The following SCFD2 variants were observed in gnomAD, a reference collection of about 807,000 sequenced individuals.
SCFD2 encodes sec1 family domain-containing protein 2.
In SCFD2, 54 loss-of-function variants were observed where a neutral mutation model predicts 58.9. The observed-to-expected ratio is 0.92, with a 90% CI of 0.74 to 1.15. The LOEUF (loss-of-function observed/expected upper bound fraction) is 1.15, where lower values mean the gene tolerates loss of function less well. Ranked by LOEUF, SCFD2 falls within the 50% of genes most tolerant of loss-of-function variation. SCFD2 has a pLI of 0.00. For synonymous variants in SCFD2, 321 were observed against 335.9 expected (o/e 0.96, Z 0.49); for missense variants, 805 against 836.6 (o/e 0.96, Z 0.47).
intron 4 of SCFD2, among the ~76,000 whole-genome samples, chr4:53,255,939 C>A (rs1193770909): frequency 6.6e-6 from 1 of 150,424 alleles, no homozygotes; most frequent in Non-Finnish European, 1.5e-5. Flanking sequence ...CCCCTCACCT[C>A]CCGGATGGGG....
At chr4:53,001,441 A>C (rs1395376248) in intron 5 of SCFD2, among the ~76,000 whole-genome samples, 1 of 152,150 alleles carries the variant, frequency 6.6e-6, no homozygotes, top group Non-Finnish European at 1.5e-5. Context: ...TGGCTTGATT[A>C]GGTGGTTTGC....
intron 2 of SCFD2, among the ~76,000 whole-genome samples, chr4:53,332,416 A>G (rs929046442): frequency 1.3e-5 from 2 of 151,782 alleles, no homozygotes; most frequent in African/African-American, 2.4e-5. Context: ...AGTGGGCTTC[A>G]TCCCTGGGAT....
intron 5 of SCFD2, among the ~76,000 whole-genome samples, chr4:52,962,516 C>G (rs1396105399): frequency 6.6e-6 from 1 of 152,202 alleles, no homozygotes; most frequent in Non-Finnish European, 1.5e-5. Context: ...CTGAAGGTAG[C>G]ACATTTAAGA....
chr4:53,323,377 T>C (rs1733081500), intron 2 of SCFD2, among the ~76,000 whole-genome samples: 1 of 152,086 alleles, frequency 6.6e-6, no homozygotes, highest in Non-Finnish European at 1.5e-5. Context: ...AGTTCTTTTT[T>C]GTTGTTGTTT....
intron 5 of SCFD2, among the ~76,000 whole-genome samples, chr4:53,078,318 T>G (rs1724042744): frequency 6.6e-6 from 1 of 152,184 alleles, no homozygotes; most frequent in East Asian, 1.9e-4. Context: ...TCTCTATTTG[T>G]TGTAGCAAAT....
At chr4:53,036,934 C>T (rs1315105691) in intron 5 of SCFD2, among the ~76,000 whole-genome samples, 1 of 151,986 alleles carries the variant, frequency 6.6e-6, no homozygotes, top group Non-Finnish European at 1.5e-5. Flanking sequence ...TCAGTGATTG[C>T]CAAGGGCTGG....
chr4:53,339,890 C>G (rs1014985247), intron 2 of SCFD2, among the ~76,000 whole-genome samples: 3 of 152,040 alleles, frequency 2.0e-5, no homozygotes, highest in African/African-American at 7.3e-5. Flanking sequence ...GCTACAAACA[C>G]AAAACAAAAA....
At chr4:53,131,964 T>C (rs1343087247) in intron 5 of SCFD2, among the ~76,000 whole-genome samples, 5 of 152,218 alleles carry the variant, frequency 3.3e-5, no homozygotes, top group Admixed American at 3.3e-4. Flanking sequence ...GTCATAAAAA[T>C]TGGTGATATG....
intron 4 of SCFD2, among the ~76,000 whole-genome samples, chr4:53,250,161 A>C (rs1730303135): frequency 6.6e-6 from 1 of 152,236 alleles, no homozygotes; most frequent in Admixed American, 6.5e-5. Flanking sequence ...CTAGTCTCGG[A>C]TAAAACAGAC....
At chr4:53,114,739 C>T (rs1225492714) in intron 5 of SCFD2, among the ~76,000 whole-genome samples, 1 of 151,720 alleles carries the variant, frequency 6.6e-6, no homozygotes, top group Non-Finnish European at 1.5e-5. Context: ...AGTGGAACAT[C>T]AGAAATAAAG....
chr4:53,129,859 T>G (rs534140376), intron 5 of SCFD2, among the ~76,000 whole-genome samples: 2 of 152,292 alleles, frequency 1.3e-5, no homozygotes, highest in South Asian at 4.1e-4. Context: ...GCAAAACACA[T>G]GCAAAACAAA....
intron 4 of SCFD2, among the ~76,000 whole-genome samples, chr4:53,262,750 T>G (rs963094638): frequency 3.3e-5 from 5 of 152,226 alleles, no homozygotes; most frequent in African/African-American, 7.2e-5. Flanking sequence ...CTTTTTGTGA[T>G]GAATTTCCCA....
chr4:53,141,352 C>T (rs1393858812), intron 5 of SCFD2, among the ~76,000 whole-genome samples: 1 of 151,904 alleles, frequency 6.6e-6, no homozygotes, highest in East Asian at 1.9e-4. Context: ...TTGTGTGCAC[C>T]CAGCTTTACG....
At chr4:53,079,078 T>G (rs1424763154) in intron 5 of SCFD2, among the ~76,000 whole-genome samples, 1 of 152,118 alleles carries the variant, frequency 6.6e-6, no homozygotes, top group Non-Finnish European at 1.5e-5. Context: ...TGATCTTTCC[T>G]CTACAAACTG....
chr4:53,115,672 G>A (rs1725298890), intron 5 of SCFD2, among the ~76,000 whole-genome samples: 1 of 152,100 alleles, frequency 6.6e-6, no homozygotes, highest in African/African-American at 2.4e-5. Flanking sequence ...TTTTATTACT[G>A]ACAAGTGGAT....
chr4:53,106,300 A>G (rs563424420), intron 5 of SCFD2, among the ~76,000 whole-genome samples: 1 of 152,356 alleles, frequency 6.6e-6, no homozygotes, highest in South Asian at 2.1e-4. Flanking sequence ...TCCAAAAACC[A>G]GGACACCTCT....
chr4:53,330,630 G>T (rs571195975), intron 2 of SCFD2, among the ~76,000 whole-genome samples: 1 of 151,822 alleles, frequency 6.6e-6, no homozygotes, highest in Non-Finnish European at 1.5e-5. Context: ...AGTACCAGCC[G>T]CTGCAAAATC....
At chr4:53,358,059 C>A (rs1734450830) in intron 1 of SCFD2, among the ~76,000 whole-genome samples, 1 of 152,158 alleles carries the variant, frequency 6.6e-6, no homozygotes, top group Non-Finnish European at 1.5e-5. Context: ...TTTACATATG[C>A]AGAGTGCTGA....
At chr4:52,885,940 A>T (rs1350384986) in intron 7 of SCFD2, 74 bp from the exon 8 acceptor site, 2 of 1,579,804 alleles carry the variant, frequency 1.3e-6, no homozygotes, top group East Asian at 2.3e-5. Context: ...TACCATCTTC[A>T]TTGTCCCTCT....
Sources: allele counts gnomAD v4.1 joint callset (sites outside exome capture counted in the v4.1 genomes callset), GRCh38; gene constraint gnomAD v4.1.1; transcripts MANE v1.5; gene names NCBI Gene and HGNC (gene_info 2026-07-23, HGNC 2026-07-21).